Variants in KCND2 observed in about 807,000 individuals in gnomAD.
KCND2 encodes the protein A-type voltage-gated potassium channel KCND2.
Under a neutral mutation model 54.4 loss-of-function variants are expected in KCND2, and 16 were observed. The observed-to-expected ratio is 0.29, with a 90% CI of 0.20 to 0.45. KCND2 has a LOEUF of 0.45. Among genes scored for constraint, KCND2 ranks in the 20% least tolerant of loss-of-function variants. The pLI, the probability that KCND2 is intolerant of heterozygous loss-of-function variation, is 1.00. For synonymous variants in KCND2, 317 were observed against 310.7 expected, an observed-to-expected ratio of 1.02 and a Z score of -0.21; for missense variants, 486 against 824.2, an observed-to-expected ratio of 0.59 and a Z score of 5.02.
intron 1 of KCND2, among the ~76,000 whole-genome samples, chr7:120,485,565 G>A (rs1398154858): frequency 6.6e-6 from 1 of 152,128 alleles, no homozygotes; most frequent in African/African-American, 2.4e-5. Context: ...CAGATGACCT[G>A]ACTCTACTGA....
chr7:120,542,422 TCTC>T (rs1791990004), intron 1 of KCND2, among the ~76,000 whole-genome samples: 1 of 152,172 alleles, frequency 6.6e-6, no homozygotes, highest in African/African-American at 2.4e-5. Flanking sequence ...ATTTTATTCT[TCTC>T]CAAGTGTATA....
chr7:120,305,969 G>T (rs1364168059), intron 1 of KCND2, among the ~76,000 whole-genome samples: 1 of 152,102 alleles, frequency 6.6e-6, no homozygotes, highest in African/African-American at 2.4e-5. Context: ...TATGAGAATG[G>T]TACTAATCTT....
At chr7:120,611,446 G>A (rs1433758089) in intron 1 of KCND2, among the ~76,000 whole-genome samples, 10 of 152,164 alleles carry the variant, frequency 6.6e-5, no homozygotes, top group African/African-American at 2.4e-4. Flanking sequence ...TGCAGGGGGT[G>A]TAGGTTAGCA....
chr7:120,680,116 T>C (rs75611347), intron 1 of KCND2, among the ~76,000 whole-genome samples: 11,304 of 152,136 alleles, frequency 0.074, 541 homozygotes, highest in African/African-American at 0.09. Flanking sequence ...TTAACTGATA[T>C]AAGAAACAAC....
chr7:120,325,062 A>G (rs1032989261), intron 1 of KCND2, among the ~76,000 whole-genome samples: 25 of 145,376 alleles, frequency 1.7e-4, no homozygotes, highest in African/African-American at 3.8e-4. Flanking sequence ...CTTTGAAGCA[A>G]TTGTGAATGG....
At chr7:120,367,794 T>C (rs1035873704) in intron 1 of KCND2, among the ~76,000 whole-genome samples, 1 of 152,004 alleles carries the variant, frequency 6.6e-6, no homozygotes, top group East Asian at 1.9e-4. Flanking sequence ...GTTACTTTTA[T>C]AATCATTTTC....
intron 1 of KCND2, among the ~76,000 whole-genome samples, chr7:120,524,227 T>A (rs1321675879): frequency 6.7e-6 from 1 of 149,582 alleles, no homozygotes; most frequent in Non-Finnish European, 1.5e-5. Context: ...AGAGCAAGAC[T>A]CCGTCAAAAA....
At chr7:120,465,301 A>G (rs1303504215) in intron 1 of KCND2, among the ~76,000 whole-genome samples, 1 of 152,174 alleles carries the variant, frequency 6.6e-6, no homozygotes, top group Non-Finnish European at 1.5e-5. Context: ...AGCTAATAAC[A>G]TAAGGCAAAA....
intron 1 of KCND2, among the ~76,000 whole-genome samples, chr7:120,683,161 G>T (rs138284068): frequency 6.6e-6 from 1 of 152,106 alleles, no homozygotes; most frequent in Non-Finnish European, 1.5e-5. Flanking sequence ...GCAAAGTTTC[G>T]TATCAAGCAC....
chr7:120,313,974 A>G (rs1799776848), intron 1 of KCND2, among the ~76,000 whole-genome samples: 1 of 151,818 alleles, frequency 6.6e-6, no homozygotes, highest in Non-Finnish European at 1.5e-5. Context: ...AGCCAACATC[A>G]TCTGAGCTTC....
At chr7:120,337,622 C>G (rs1203622345) in intron 1 of KCND2, among the ~76,000 whole-genome samples, 1 of 152,142 alleles carries the variant, frequency 6.6e-6, no homozygotes, top group African/African-American at 2.4e-5. Flanking sequence ...CTTTAACTTT[C>G]TAGATCAAGA....
chr7:120,443,635 C>T (rs977698202), intron 1 of KCND2, among the ~76,000 whole-genome samples: 13 of 151,868 alleles, frequency 8.6e-5, no homozygotes, highest in African/African-American at 2.7e-4. Context: ...CATGCCATTC[C>T]TCAATTCCAA....
intron 1 of KCND2, among the ~76,000 whole-genome samples, chr7:120,349,203 T>C (rs1800365959): frequency 6.6e-6 from 1 of 152,130 alleles, no homozygotes; most frequent in Non-Finnish European, 1.5e-5. Context: ...CTCACCATGC[T>C]TTTCTGATGC....
chr7:120,552,636 T>A lies in KCND2; in HGVS notation c.1116-180267T>A, dbSNP rs540089359. Among the ~76,000 whole-genome samples, 3 of 152,328 alleles carry A rather than the reference T, an allele frequency of 2.0e-5. No individual in the cohort carries two copies. The East Asian group carries it at 5.8e-4, about 29-fold the overall frequency. Reference sequence around the variant, plus strand: ...CGTAGCAAGGCTTGTTCATCGGGATTCCTCCTGGTGTCCTTGCATCTTCAG... The same window carrying A: ...CGTAGCAAGGCTTGTTCATCGGGATACCTCCTGGTGTCCTTGCATCTTCAG... On this transcript the variant is annotated intron_variant, in intron 1 of 5. Coordinates refer to ENST00000331113, the MANE Select transcript of KCND2 (RefSeq NM_012281.3).
At chr7:120,321,737 T>A (rs1584729209) in intron 1 of KCND2, among the ~76,000 whole-genome samples, 1 of 152,260 alleles carries the variant, frequency 6.6e-6, no homozygotes, top group South Asian at 2.1e-4. Flanking sequence ...TACTGCCTAA[T>A]GTTCTTTTTA....
Position 120,745,944 on chromosome 7 carries a change from T to G in KCND2, c.1632T>G (p.Asn544Lys). 6.2e-7 allele frequency: 1 copy of G among 1,613,844 alleles called. No homozygotes were observed. The highest frequency in any genetic ancestry group is 1.1e-5 in the South Asian group (1 of 91,080). The change falls in exon 5 of 6, where the codon AAT becomes AAG. Residue 544 changes from asparagine to lysine, a missense_variant. This residue lies in a region of KCND2 where 202 missense variants were observed against 252.7 expected (regional missense o/e 0.80). Transcript: ENST00000331113. ...AAACTTTTCGCATCCCAAATGCCAA[T>G]GTATCAGGAAGCCATCAAGGTAGTA... ...HKKTFRIPNANVSGSHQGSIQ... is the reference protein window; with the variant it reads ...HKKTFRIPNAKVSGSHQGSIQ...
intron 1 of KCND2, among the ~76,000 whole-genome samples, chr7:120,668,276 C>A (rs887974700): frequency 6.6e-6 from 1 of 151,918 alleles, no homozygotes; most frequent in Non-Finnish European, 1.5e-5. Context: ...CTGTGTGATG[C>A]AGTAATTCTT....
chr7:120,682,850 T>C (rs556862610), intron 1 of KCND2, among the ~76,000 whole-genome samples: 15 of 152,300 alleles, frequency 9.8e-5, no homozygotes, highest in African/African-American at 3.6e-4. Flanking sequence ...AGAATGCTTG[T>C]TCCACATTTC....
intron 1 of KCND2, among the ~76,000 whole-genome samples, chr7:120,373,438 A>G (rs1800792311): frequency 1.3e-5 from 2 of 151,906 alleles, no homozygotes; most frequent in African/African-American, 4.8e-5. Context: ...TCATATGCAA[A>G]TCTGAAAAGC....
Sources: gnomAD v4.1 joint callset for allele counts (sites outside exome capture counted in the v4.1 genomes callset) on GRCh38, gnomAD v4.1.1 for gene constraint, gnomAD v4.1.1 regional missense constraint, MANE v1.5 for transcripts, NCBI Gene and HGNC (gene_info 2026-07-23, HGNC 2026-07-21) for gene names.